The following KCNJ6 variants were observed in gnomAD, a reference collection of about 807,000 sequenced individuals.
KCNJ6 encodes the protein potassium inwardly rectifying channel subfamily J member 6.
A neutral mutation model predicts 34.2 loss-of-function variants in KCNJ6; 9 were observed. The observed-to-expected ratio is 0.26, with a 90% CI of 0.16 to 0.46. KCNJ6 has a LOEUF of 0.46. KCNJ6 is among the 20% of genes least tolerant of loss of function. The pLI is 1.00. For missense variants in KCNJ6, 236 were observed against 531.3 expected (o/e 0.44, Z 5.46); for synonymous variants, 196 against 207.1 (o/e 0.95, Z 0.46).
In KCNJ6 at chr21:37,617,159, C is replaced by A. The variant is rs2054274598; in HGVS notation, c.*8000G>T. The A allele has an allele frequency of 1.6e-5, 2 of 123,230 alleles. No individual in the cohort carries two copies. Among genetic ancestry groups the A allele is most frequent in the African/African-American group, 6.1e-5 (2 of 32,978 alleles). The allele number at this position is 123,230 out of a possible 1,614,324, so 7.6% of individuals were successfully genotyped here. A position where few individuals can be genotyped will look rare whatever the true frequency, so the allele number is the denominator to read the frequency against. Reference sequence around the variant, plus strand: ...TCTTTCCTTCCTTCCTTCCTTCTTTCTTTATCTTTTTTCCTTCCTTCCTTC... The same window carrying A: ...TCTTTCCTTCCTTCCTTCCTTCTTTATTTATCTTTTTTCCTTCCTTCCTTC... On this transcript the variant is annotated 3_prime_UTR_variant, in exon 4 of 4. Coordinates refer to ENST00000609713, the MANE Select transcript of KCNJ6 (RefSeq NM_002240.5).
chr21:37,847,981 C>T (rs145829481), intron 1 of KCNJ6, among the ~76,000 whole-genome samples: 121 of 152,208 alleles, frequency 7.9e-4, no homozygotes, highest in Middle Eastern at 3.4e-3. Context: ...GGTGGGGAAG[C>T]TTGGTGCGTG....
At chr21:37,725,485 G>A (rs918566594) in intron 2 of KCNJ6, among the ~76,000 whole-genome samples, 5 of 152,164 alleles carry the variant, frequency 3.3e-5, no homozygotes, top group African/African-American at 7.2e-5. Flanking sequence ...CCTAAGATTC[G>A]CAAAATTTTA....
intron 1 of KCNJ6, among the ~76,000 whole-genome samples, chr21:37,890,207 C>T (rs1348794904): frequency 1.3e-5 from 2 of 152,174 alleles, no homozygotes; most frequent in Non-Finnish European, 2.9e-5. Flanking sequence ...GCACATCCTT[C>T]TTCACACGGC....
At chr21:37,652,552 C>A (rs2054438720) in intron 3 of KCNJ6, among the ~76,000 whole-genome samples, 1 of 152,008 alleles carries the variant, frequency 6.6e-6, no homozygotes, top group African/African-American at 2.4e-5. Context: ...ACAAAGAATT[C>A]ATTGGGAAGA....
At chr21:37,716,201 G>T (rs1051777282) in intron 2 of KCNJ6, among the ~76,000 whole-genome samples, 1 of 152,050 alleles carries the variant, frequency 6.6e-6, no homozygotes, top group African/African-American at 2.4e-5. Flanking sequence ...GGTTTTTGTC[G>T]GTAAGTATGC....
rs553148971 is a variant in KCNJ6 at position 37,695,888 on chromosome 21, A to G, written c.946+18323T>C. Among the ~76,000 whole-genome samples the G allele has an allele frequency of 6.6e-6, 1 of 152,352 alleles. No individual in the cohort carries two copies. The highest frequency in any genetic ancestry group is 2.4e-5 in the African/African-American group (1 of 41,578). On this transcript the variant is annotated intron_variant, in intron 3 of 3. Coordinates refer to ENST00000609713, the MANE Select transcript of KCNJ6 (RefSeq NM_002240.5). The surrounding 1 kb of genome is among the most constrained non-coding windows in gnomAD (Gnocchi z 4.2). The stretch of plus-strand genomic sequence containing the variant: ...CTGTAACATCTTTTTGTGCCAGAAA[A>G]AAGGAAGAACACACAAAATGATTAT...
chr21:37,808,026 G>A (rs544338588), intron 2 of KCNJ6, among the ~76,000 whole-genome samples: 2 of 152,316 alleles, frequency 1.3e-5, no homozygotes, highest in East Asian at 1.9e-4. Flanking sequence ...ATGGCCAATT[G>A]TGACCCTCTC....
Position 37,714,858 on chromosome 21 carries a change from TA to T in KCNJ6, c.298del (p.Tyr100ThrfsTer3). The T allele has an allele frequency of 6.2e-7, 1 of 1,614,254 alleles. No individual in the cohort carries two copies. ...RFNLLIFVMV[Y>X]TVTWLFFGMI... is the part of the protein sequence containing the mutation. ...TCCAAAAAAGAGCCAGGTCACTGTG[TA>T]AACCATGACAAAAATCAATAGGTTG... On this transcript the variant is annotated frameshift_variant, in exon 3 of 4. Coordinates refer to ENST00000609713, the MANE Select transcript of KCNJ6 (RefSeq NM_002240.5). LOFTEE classifies it high-confidence loss of function. The surrounding 1 kb of genome is among the most constrained non-coding windows in gnomAD (Gnocchi z 5.9).
intron 3 of KCNJ6, among the ~76,000 whole-genome samples, chr21:37,696,198 G>T (rs2054662884): frequency 6.6e-6 from 1 of 152,202 alleles, no homozygotes; most frequent in Non-Finnish European, 1.5e-5. Flanking sequence ...TAAAAGCAAA[G>T]TTTGAGGAGG....
At chr21:37,910,788 G>C (rs1295148667) in intron 1 of KCNJ6, among the ~76,000 whole-genome samples, 1 of 152,194 alleles carries the variant, frequency 6.6e-6, no homozygotes, top group Non-Finnish European at 1.5e-5. Context: ...ACATAAATTA[G>C]TCACTTGGTT....
At chr21:37,834,554 C>T (rs1249523003) in intron 2 of KCNJ6, among the ~76,000 whole-genome samples, 2 of 152,218 alleles carry the variant, frequency 1.3e-5, no homozygotes, top group Admixed American at 1.3e-4. Flanking sequence ...AGGCAGGAAC[C>T]CCATCTTTTT....
intron 3 of KCNJ6, among the ~76,000 whole-genome samples, chr21:37,667,862 A>G (rs1219437441): frequency 6.6e-6 from 1 of 152,050 alleles, no homozygotes; most frequent in East Asian, 1.9e-4. Context: ...CATCTCGTGC[A>G]GTTGGGCCAG....
At chr21:37,904,362 G>A (rs1055301057) in intron 1 of KCNJ6, among the ~76,000 whole-genome samples, 5 of 151,992 alleles carry the variant, frequency 3.3e-5, no homozygotes, top group Admixed American at 1.3e-4. Flanking sequence ...TTATGCACAC[G>A]ACAGGAATAG....
intron 1 of KCNJ6, among the ~76,000 whole-genome samples, chr21:37,868,255 T>C (rs2055632955): frequency 6.6e-6 from 1 of 152,190 alleles, no homozygotes; most frequent in Admixed American, 6.5e-5. Flanking sequence ...GCTAGCGAGA[T>C]CATTACTGCA....
chr21:37,747,584 C>T (rs1280410929), intron 2 of KCNJ6, among the ~76,000 whole-genome samples: 2 of 152,182 alleles, frequency 1.3e-5, no homozygotes, highest in Non-Finnish European at 2.9e-5. Flanking sequence ...CCTGGATTAT[C>T]CGGGAAGCCC....
intron 3 of KCNJ6, among the ~76,000 whole-genome samples, chr21:37,660,913 C>T (rs533190519): frequency 6.6e-6 from 1 of 152,298 alleles, no homozygotes; most frequent in African/African-American, 2.4e-5. Context: ...AATGTGCACA[C>T]CTAAGCAGAT....
chr21:37,805,859 C>A (rs948690627), intron 2 of KCNJ6, among the ~76,000 whole-genome samples: 1 of 152,130 alleles, frequency 6.6e-6, no homozygotes, highest in Non-Finnish European at 1.5e-5. Flanking sequence ...CTGTCAACCA[C>A]GAGGAGTCGG....
chr21:37,822,588 T>G (rs1353497115), intron 2 of KCNJ6, among the ~76,000 whole-genome samples: 1 of 152,184 alleles, frequency 6.6e-6, no homozygotes, highest in Non-Finnish European at 1.5e-5. Context: ...GAGAGGCATA[T>G]TTTTGTTGAG....
chr21:37,733,675 G>A (rs949337979), intron 2 of KCNJ6, among the ~76,000 whole-genome samples: 6 of 152,182 alleles, frequency 3.9e-5, no homozygotes, highest in African/African-American at 1.4e-4. Context: ...ATGGTCTGAT[G>A]CATTGAATAA....
Sources: allele counts gnomAD v4.1 joint callset (sites outside exome capture counted in the v4.1 genomes callset), GRCh38; gene constraint gnomAD v4.1.1; non-coding constraint Gnocchi (gnomAD v3.1); transcripts MANE v1.5; gene names NCBI Gene and HGNC (gene_info 2026-07-23, HGNC 2026-07-21).